PAX3: variants seen among roughly 807,000 people sequenced by gnomAD.
The protein encoded by PAX3 is paired box 3.
Under a neutral mutation model 51.6 loss-of-function variants are expected in PAX3, and 14 were observed. The observed-to-expected ratio is 0.27, with a 90% CI of 0.18 to 0.42. The LOEUF (loss-of-function observed/expected upper bound fraction) is 0.42. Ranked by LOEUF, PAX3 falls within the 10% of genes least tolerant of loss-of-function variation. The probability of loss-of-function intolerance (pLI) is 1.00; values close to 1 mark genes in which losing one functional copy is unlikely to be tolerated. For synonymous variants in PAX3, 280 were observed against 253.4 expected, an observed-to-expected ratio of 1.11 and a Z score of -1.00; for missense variants, 540 against 642.8, an observed-to-expected ratio of 0.84 and a Z score of 1.73.
chr2:222,210,412 C>T (rs898431712), intron 7 of PAX3, among the ~76,000 whole-genome samples: 1 of 152,108 alleles, frequency 6.6e-6, no homozygotes, highest in South Asian at 2.1e-4. Flanking sequence ...GAGTATCTTG[C>T]TTCTAATTTA....
At chr2:222,225,498 T>G (rs1361794969) in intron 5 of PAX3, among the ~76,000 whole-genome samples, 1 of 152,172 alleles carries the variant, frequency 6.6e-6, no homozygotes, top group Non-Finnish European at 1.5e-5. Flanking sequence ...ACATTACAAG[T>G]TGGCGGGTGG....
At chr2:222,266,641 C>T (rs756784072) in intron 4 of PAX3, among the ~76,000 whole-genome samples, 11 of 152,228 alleles carry the variant, frequency 7.2e-5, no homozygotes, top group Non-Finnish European at 1.6e-4. Flanking sequence ...ACTTCTGCTT[C>T]CTTAGCTTTA....
intron 7 of PAX3, chr2:222,214,365 C>T (rs1184609806): frequency 6.6e-6 from 1 of 152,114 alleles, no homozygotes; most frequent in African/African-American, 2.4e-5. Context: ...GTAGCTGACA[C>T]CAAATATGCA....
intron 4 of PAX3, among the ~76,000 whole-genome samples, chr2:222,240,401 C>G (rs1238339299): frequency 6.6e-6 from 1 of 152,200 alleles, no homozygotes. Context: ...TTTCTATCCA[C>G]ATTTCCTTGA....
intron 7 of PAX3, among the ~76,000 whole-genome samples, chr2:222,203,646 C>T (rs1203573563): frequency 4.6e-5 from 7 of 151,974 alleles, no homozygotes; most frequent in African/African-American, 7.3e-5. Context: ...GCAGGTGAGG[C>T]GGGGGGCGGG....
rs753995335 is a variant in PAX3 at position 222,225,355 on chromosome 2, AT to A, written c.793-3969del. On this transcript the variant is annotated intron_variant, in intron 5 of 8. Transcript: ENST00000392070. ...TTCTCTAGTAGTATAATGTCCAATG[AT>A]TTTTTGAAACAAAATTTAAATTGGT... Among the ~76,000 whole-genome samples, 4 of 152,252 alleles carry A rather than the reference AT, an allele frequency of 2.6e-5. No individual in the cohort carries two copies. In the East Asian group the frequency reaches 7.7e-4, roughly 29 times the overall value.
At position 222,202,084 on chromosome 2, in the gene PAX3, G is replaced by A. The variant is rs1415034438; in HGVS notation, c.1280C>T (p.Ala427Val). The A allele has an allele frequency of 6.2e-7, 1 of 1,613,900 alleles. No homozygotes were observed. The change falls in exon 8 of 9, where the codon GCC (alanine) becomes GTC (valine). Residue 427 changes from alanine (A) to valine (V), a missense_variant. Ala to Val is a moderately conservative substitution (Grantham distance 64, BLOSUM62 0). Coordinates refer to ENST00000392070, the MANE Select transcript of PAX3 (RefSeq NM_181458.4). ...ATGGTCTAGTCTCTGACTGCAGCTGGCCGACACCGTGGTGGTAGGTTCCAG... is the reference window on the plus strand; with the variant it reads ...ATGGTCTAGTCTCTGACTGCAGCTGACCGACACCGTGGTGGTAGGTTCCAG... Reference protein sequence around the residue: ...GGLEPTTTVSASCSQRLDHMK... With the variant: ...GGLEPTTTVSVSCSQRLDHMK...
At chr2:222,265,722 C>T (rs16863592) in intron 4 of PAX3, among the ~76,000 whole-genome samples, 27,895 of 145,972 alleles carry the variant, frequency 0.19, 2,958 homozygotes, top group East Asian at 0.39. Context: ...TTTCCTCTAA[C>T]CTTTTCAGGA....
chr2:222,279,420 T>C lies in PAX3; in HGVS notation c.586+14747A>G, dbSNP rs115871857. 5.0e-3 allele frequency among the ~76,000 whole-genome samples: 765 copies of C among 152,196 alleles called. 5 individuals carry two copies. The highest frequency in any genetic ancestry group is 0.018 in the African/African-American group (727 of 41,514). On this transcript the variant is annotated intron_variant, in intron 4 of 8. Transcript: ENST00000392070. ...AGAGGGAACAGCACCCAAGACTGACTTCACTCTTTTCACCTAAGGTCAGCC... is the reference window on the plus strand; with the variant it reads ...AGAGGGAACAGCACCCAAGACTGACCTCACTCTTTTCACCTAAGGTCAGCC...
At chr2:222,214,326 G>C (rs938117471) in intron 7 of PAX3, 2 of 152,270 alleles carry the variant, frequency 1.3e-5, no homozygotes, top group African/African-American at 4.8e-5. Flanking sequence ...ATACATATAT[G>C]CATGAAACGA....
chr2:222,293,087 G>A (rs769115953), intron 4 of PAX3, among the ~76,000 whole-genome samples: 4 of 152,180 alleles, frequency 2.6e-5, no homozygotes, highest in East Asian at 1.9e-4. Context: ...AGTCACAGTC[G>A]GCAACGGCTG....
At chr2:222,219,977 A>C (rs886343000) in intron 7 of PAX3, among the ~76,000 whole-genome samples, 163 bp downstream of exon 7, 1 of 152,214 alleles carries the variant, frequency 6.6e-6, no homozygotes, top group Non-Finnish European at 1.5e-5. Flanking sequence ...TGAAGCCAGT[A>C]GGAAGGGTGG....
intron 7 of PAX3, among the ~76,000 whole-genome samples, chr2:222,204,680 T>C (rs1462737389): frequency 6.6e-6 from 1 of 152,174 alleles, no homozygotes; most frequent in African/African-American, 2.4e-5. Flanking sequence ...CATGAATAAG[T>C]TGTGTTAAGC....
chr2:222,244,318 A>C (rs1693133313), intron 4 of PAX3, among the ~76,000 whole-genome samples: 1 of 152,144 alleles, frequency 6.6e-6, no homozygotes, highest in East Asian at 1.9e-4. Context: ...AGAGAGGCCA[A>C]ACTACTTCAA....
intron 4 of PAX3, among the ~76,000 whole-genome samples, chr2:222,247,737 C>A (rs770960168): frequency 6.6e-6 from 1 of 151,928 alleles, no homozygotes; most frequent in African/African-American, 2.4e-5. Context: ...CCCACTGAAT[C>A]TGAAAATTAG....
At chr2:222,245,541 T>C (rs1187811110) in intron 4 of PAX3, among the ~76,000 whole-genome samples, 1 of 152,236 alleles carries the variant, frequency 6.6e-6, no homozygotes, top group African/African-American at 2.4e-5. Flanking sequence ...CAACTGCCTT[T>C]CTTTTCCACA....
chr2:222,294,213 G>A lies in PAX3; in HGVS notation c.540C>T (p.Ser180=). 1 of 1,614,226 alleles carries A rather than the reference G, an allele frequency of 6.2e-7. No individual in the cohort carries two copies. The highest frequency in any genetic ancestry group is 1.6e-4 in the Middle Eastern group (1 of 6,062). The part of the protein sequence containing the change: ...ADLERKEAEE[S]EKKAKHSIDG... ...CGATGCTGTGTTTGGCCTTCTTCTC[G>A]CTTTCCTCTGCCTCCTTCCTCTCCA... The change falls in exon 4 of 9, where the codon AGC becomes AGT. Residue 180 remains serine (S), a synonymous_variant. Coordinates refer to ENST00000392070, the MANE Select transcript of PAX3 (RefSeq NM_181458.4).
intron 4 of PAX3, among the ~76,000 whole-genome samples, chr2:222,245,145 CA>C (rs1335841763): frequency 6.6e-6 from 1 of 151,338 alleles, no homozygotes; most frequent in East Asian, 1.9e-4. Flanking sequence ...GAGACTGTCT[CA>C]AAAAAAGAAA....
intron 4 of PAX3, among the ~76,000 whole-genome samples, chr2:222,274,923 C>G (rs945642631): frequency 9.9e-5 from 15 of 152,248 alleles, no homozygotes; most frequent in Middle Eastern, 6.8e-3. Context: ...GTGGCAGAAT[C>G]AGTCAGTTTT....
Sources: gnomAD v4.1 joint callset for allele counts (sites outside exome capture counted in the v4.1 genomes callset) on GRCh38, gnomAD v4.1.1 for gene constraint, MANE v1.5 for transcripts, NCBI Gene and HGNC (gene_info 2026-07-23, HGNC 2026-07-21) for gene names.